Variants in GPR143 observed in about 807,000 individuals in gnomAD.
The protein encoded by GPR143 is G-protein coupled receptor 143.
In GPR143, 8 loss-of-function variants were observed where a neutral mutation model predicts 27.6. The observed-to-expected ratio is 0.29, with a 90% confidence interval of 0.17 to 0.52. The LOEUF (loss-of-function observed/expected upper bound fraction) is 0.52, where lower values mean the gene tolerates loss of function less well. Ranked by LOEUF, GPR143 falls within the 20% of genes least tolerant of loss-of-function variation. The probability of loss-of-function intolerance (pLI) is 0.96; values close to 1 mark genes in which losing one functional copy is unlikely to be tolerated. For synonymous variants in GPR143, 156 were observed against 153.2 expected, an observed-to-expected ratio of 1.02 and a Z score of -0.13; for missense variants, 303 against 343.1, an observed-to-expected ratio of 0.88 and a Z score of 0.92.
upstream of GPR143, among the ~76,000 whole-genome samples, chrX:9,769,171 G>GT (rs2083545121): frequency 8.9e-6 from 1 of 111,869 alleles, no homozygotes. Context: ...AGGTACATCT[G>GT]TTTTTGCATG....
intron 3 of GPR143, among the ~76,000 whole-genome samples, chrX:9,750,048 G>C (rs779043847): frequency 9.8e-4 from 111 of 112,769 alleles, no homozygotes; most frequent in Non-Finnish European, 1.8e-3. Context: ...TTACAGGCGT[G>C]AGCCATAGCG....
At chrX:9,755,522 G>A (rs183609192) in intron 3 of GPR143, among the ~76,000 whole-genome samples, 3 of 107,756 alleles carry the variant, frequency 2.8e-5, no homozygotes, top group Admixed American at 9.9e-5. Context: ...ACTTCTGACC[G>A]ATAATATGTA....
At position 9,757,754 on chromosome X, in the gene GPR143, TTTG is replaced by T. The variant is rs201046221; in HGVS notation, c.455+1575_455+1577del. Among the ~76,000 whole-genome samples, 187 of 110,738 alleles carry T rather than the reference TTTG, an allele frequency of 1.7e-3. 1 individual carries two copies. Among genetic ancestry groups the T allele is most frequent in the African/African-American group, 5.5e-3 (169 of 30,479 alleles). On this transcript the variant is annotated intron_variant, in intron 3 of 8. Transcript: ENST00000467482. ...AGGTGACCTTTATAAAGCTGGGTTTTTTGTTGTTGTTGTTGTTTGTTTCTATTG... is the reference window on the plus strand; with the variant it reads ...AGGTGACCTTTATAAAGCTGGGTTTTTTGTTGTTGTTGTTTGTTTCTATTG...
rs762761246 is a variant in GPR143 at position 9,752,936 on chromosome X, G to A, written c.456-4270C>T. Among the ~76,000 whole-genome samples, 380 of 111,240 alleles carry A rather than the reference G, an allele frequency of 3.4e-3. 1 individual carries two copies. Among genetic ancestry groups the A allele is most frequent in the Non-Finnish European group, 6.2e-3 (331 of 53,010 alleles). On this transcript the variant is annotated intron_variant, in intron 3 of 8. Coordinates refer to ENST00000467482, the MANE Select transcript of GPR143 (RefSeq NM_000273.3). ...GGCTGGAGTGGGGAGGGTGAGAGAC[G>A]ACAGAGGGAGCGCCGTGTGTTGAGG...
intron 1 of GPR143, among the ~76,000 whole-genome samples, chrX:9,777,586 G>A (rs1012023764): frequency 7.2e-5 from 8 of 111,023 alleles, no homozygotes; most frequent in Non-Finnish European, 1.5e-4. Context: ...TTGACACAAT[G>A]CCATGTCTAT....
At chrX:9,775,106 C>T (rs1276752497) in intron 1 of GPR143, among the ~76,000 whole-genome samples, 3 of 111,859 alleles carry the variant, frequency 2.7e-5, no homozygotes, top group Non-Finnish European at 3.8e-5. Context: ...AAGCAATCCT[C>T]CCACTTTGGC....
intron 1 of GPR143, among the ~76,000 whole-genome samples, chrX:9,773,856 C>T (rs1186524016): frequency 7.2e-5 from 8 of 110,903 alleles, no homozygotes; most frequent in African/African-American, 2.6e-4. Context: ...CAGACTGAGA[C>T]CCAGTCTCAT....
intron 8 of GPR143, among the ~76,000 whole-genome samples, chrX:9,736,628 AACTC>A (rs2083380588): frequency 9.0e-6 from 1 of 111,428 alleles, no homozygotes; most frequent in Non-Finnish European, 1.9e-5. Flanking sequence ...TAATTCTGAA[AACTC>A]ACTCTATGCT....
At chrX:9,769,626 G>T (rs1245645528), upstream of GPR143, among the ~76,000 whole-genome samples, 1 of 111,635 alleles carries the variant, frequency 9.0e-6, no homozygotes, top group Non-Finnish European at 1.9e-5. Flanking sequence ...ATATCATCCA[G>T]GCTGGAGTGC....
At chrX:9,743,794 A>AGTCACTGAC in intron 5 of GPR143, 121 bp from the exon 6 acceptor site, 1 of 534,607 alleles carries the variant, frequency 1.9e-6, no homozygotes, top group Non-Finnish European at 3.4e-6. Context: ...AAGCAAAGCA[A>AGTCACTGAC]GTCACTGACA....
chrX:9,774,939 C>A (rs1048831753), intron 1 of GPR143, among the ~76,000 whole-genome samples: 1 of 111,143 alleles, frequency 9.0e-6, no homozygotes, highest in Non-Finnish European at 1.9e-5. Flanking sequence ...TCAGGGCTCA[C>A]TGCAGCCTTG....
At chrX:9,728,682 G>A (rs924702629) in intron 8 of GPR143, among the ~76,000 whole-genome samples, 27 of 90,368 alleles carry the variant, frequency 3.0e-4, no homozygotes, top group East Asian at 9.8e-4. Context: ...GCATGATTGC[G>A]TGTGCCTGTG....
intron 1 of GPR143, among the ~76,000 whole-genome samples, chrX:9,772,414 C>T (rs2083557663): frequency 8.9e-6 from 1 of 111,983 alleles, no homozygotes; most frequent in African/African-American, 3.2e-5. Context: ...TAAAAGTCAA[C>T]TAGTCAGTTG....
chrX:9,754,369 G>A lies in GPR143; in HGVS notation c.455+4963C>T, dbSNP rs375908415. Among the ~76,000 whole-genome samples the A allele has an allele frequency of 4.5e-5, 5 of 111,804 alleles. No homozygotes were observed. In the East Asian group the frequency reaches 1.4e-3, roughly 31 times the overall value. ...TAGCCTGGCTGGGCTGGGAGCGGGT[G>A]AGGGTTGGGGGTATGTCTCAGCAAT... is the stretch of plus-strand genomic sequence containing the variant. On this transcript the variant is annotated intron_variant, in intron 3 of 8. Coordinates refer to ENST00000467482, the MANE Select transcript of GPR143 (RefSeq NM_000273.3).
At chrX:9,732,865 C>CAAAAAAAA (rs34622284) in intron 8 of GPR143, among the ~76,000 whole-genome samples, 1 of 48,192 alleles carries the variant, frequency 2.1e-5, no homozygotes, top group Non-Finnish European at 3.7e-5. Context: ...AACTCCATCT[C>CAAAAAAAA]AAAAAAAAAA....
In GPR143 at chrX:9,739,670, C is replaced by T; in HGVS notation, c.935G>A (p.Gly312Asp). The change falls in exon 8 of 9, where the codon GGC becomes GAC. Residue 312 changes from glycine (G) to aspartate (D), a missense_variant. Gly to Asp is a moderately conservative substitution (Grantham distance 94). Transcript: ENST00000467482. Reference sequence around the variant, plus strand: ...AAAACCCAGGCTGCATCCTGTCCAGCCGTAGAAGGCCAAAGACAAGAGAAA... The same window carrying T: ...AAAACCCAGGCTGCATCCTGTCCAGTCGTAGAAGGCCAAAGACAAGAGAAA... ...QGFLLSLAFY[G>D]WTGCSLGFQS... The T allele has an allele frequency of 8.4e-7, 1 of 1,192,547 alleles. No homozygotes were observed. Among genetic ancestry groups the T allele is most frequent in the East Asian group, 3.0e-5 (1 of 33,139 alleles).
intron 1 of GPR143, among the ~76,000 whole-genome samples, chrX:9,761,836 G>A (rs760814422): frequency 1.6e-4 from 18 of 112,779 alleles, no homozygotes; most frequent in Non-Finnish European, 2.6e-4. Context: ...CGGTGCTCAC[G>A]CCTGTAATCC....
intron 1 of GPR143, among the ~76,000 whole-genome samples, chrX:9,771,703 TTCTC>T (rs199669298): frequency 1.2e-3 from 56 of 45,336 alleles, no homozygotes; most frequent in African/African-American, 4.4e-3. Context: ...CCATGGAGCA[TTCTC>T]TCTCTTTTTT....
intron 3 of GPR143, among the ~76,000 whole-genome samples, chrX:9,753,721 C>T (rs1264302991): frequency 1.8e-5 from 2 of 111,567 alleles, no homozygotes; most frequent in East Asian, 2.8e-4. Context: ...CTGGCTCACC[C>T]GATAAGCAAG....
Sources: allele counts gnomAD v4.1 joint callset (sites outside exome capture counted in the v4.1 genomes callset), GRCh38; gene constraint gnomAD v4.1.1; transcripts MANE v1.5; gene names NCBI Gene and HGNC (gene_info 2026-07-23, HGNC 2026-07-21).